The following RYK variants were observed in gnomAD, a reference collection of about 807,000 sequenced individuals.
RYK encodes the protein inactive tyrosine-protein kinase RYK.
A neutral mutation model predicts 70.2 loss-of-function variants in RYK; 21 were observed. The ratio of observed to expected loss-of-function variants is 0.30; its 90% CI spans 0.21 to 0.43. RYK has a LOEUF of 0.43. Among genes scored for constraint, RYK ranks in the 20% least tolerant of loss-of-function variants. The pLI is 1.00. For synonymous variants in RYK, 267 were observed against 278.0 expected (o/e 0.96, Z 0.39); for missense variants, 604 against 753.3 (o/e 0.80, Z 2.32).
chr3:134,231,796 T>C (rs1302449266), intron 1 of RYK, among the ~76,000 whole-genome samples: 1 of 152,168 alleles, frequency 6.6e-6, no homozygotes, highest in Non-Finnish European at 1.5e-5. Context: ...GTTCTGTTTC[T>C]TTACAATCAT....
intron 9 of RYK, chr3:134,183,521 G>A (rs2108158101): frequency 6.6e-6 from 1 of 152,272 alleles, no homozygotes; most frequent in African/African-American, 2.4e-5. Context: ...TAAACCAGGA[G>A]ATGCCATTTC....
At chr3:134,204,306 C>A (rs1029490967) in intron 5 of RYK, among the ~76,000 whole-genome samples, 1 of 151,402 alleles carries the variant, frequency 6.6e-6, no homozygotes, top group Non-Finnish European at 1.5e-5. Context: ...CCAGCCTGAC[C>A]AACATAGTGA....
At chr3:134,239,438 G>A (rs1225393868) in intron 1 of RYK, among the ~76,000 whole-genome samples, 3 of 151,796 alleles carry the variant, frequency 2.0e-5, no homozygotes, top group African/African-American at 7.3e-5. Flanking sequence ...CTCCAGCCTG[G>A]GCAACAAAGA....
chr3:134,176,491 C>T (rs575993423), intron 11 of RYK, among the ~76,000 whole-genome samples: 15 of 152,332 alleles, frequency 9.8e-5, no homozygotes, highest in African/African-American at 2.6e-4. Context: ...ATAATCCCAG[C>T]ACTTGGGAAG....
intron 7 of RYK, among the ~76,000 whole-genome samples, chr3:134,193,399 G>A (rs2013711842): frequency 6.6e-6 from 1 of 152,166 alleles, no homozygotes; most frequent in South Asian, 2.1e-4. Flanking sequence ...TAGCCAGGAT[G>A]GTCTTGATCT....
intron 1 of RYK, among the ~76,000 whole-genome samples, chr3:134,223,137 A>G (rs2014791638): frequency 6.6e-6 from 1 of 152,220 alleles, no homozygotes; most frequent in Admixed American, 6.5e-5. Flanking sequence ...TATGTTTTTC[A>G]TGGTATCTGC....
chr3:134,208,553 T>G (rs1358736432), intron 4 of RYK, among the ~76,000 whole-genome samples: 2 of 152,244 alleles, frequency 1.3e-5, no homozygotes, highest in Non-Finnish European at 2.9e-5. Flanking sequence ...ATGCTAACTC[T>G]TCTTTCTTAA....
intron 8 of RYK, among the ~76,000 whole-genome samples, chr3:134,191,587 C>G (rs1189143393): frequency 6.6e-6 from 1 of 152,166 alleles, no homozygotes; most frequent in African/African-American, 2.4e-5. Flanking sequence ...AAAAACCAAA[C>G]AGAGAATACA....
At chr3:134,171,729 T>C (rs183802458) in intron 13 of RYK, among the ~76,000 whole-genome samples, 47 of 152,082 alleles carry the variant, frequency 3.1e-4, no homozygotes, top group East Asian at 2.7e-3. Context: ...TAGCCACGTG[T>C]GGTGGCACAC....
At position 134,250,635 on chromosome 3, in the gene RYK, A is replaced by C. The variant is rs1232069643; in HGVS notation, c.20T>G (p.Leu7Arg). 3.0e-6 allele frequency: 3 copies of C among 983,658 alleles called. No homozygotes were observed. In the East Asian group the frequency reaches 3.5e-4, roughly 114 times the overall value. The allele number at this position is 983,658 out of a possible 1,614,324, so 60.9% of individuals were successfully genotyped here. A position where few individuals can be genotyped will look rare whatever the true frequency, so the allele number is the denominator to read the frequency against. The change falls in exon 1 of 15, where the codon CTG (leucine) becomes CGG (arginine). Residue 7 changes from leucine to arginine, a missense_variant. Transcript: ENST00000623711. MRGAARLGRPGRSCLPG... is the reference protein window; with the variant it reads MRGAARRGRPGRSCLPG... The stretch of plus-strand genomic sequence containing the variant: ...GAGGCAACTCCGGCCCGGCCGCCCC[A>C]GCCGCGCCGCCCCACGCATGGCCGC...
At chr3:134,249,931 T>TTG (rs1559770766) in intron 1 of RYK, among the ~76,000 whole-genome samples, 5 of 148,092 alleles carry the variant, frequency 3.4e-5, no homozygotes, top group Admixed American at 2.0e-4. Context: ...TTTTTTTTTT[T>TTG]TTTTTTTTTT....
At chr3:134,181,671 C>G (rs767343043) in intron 10 of RYK, 4 of 152,042 alleles carry the variant, frequency 2.6e-5, no homozygotes, top group Non-Finnish European at 4.4e-5. Context: ...ACAGAGATAA[C>G]CACAGTTCTT....
At chr3:134,201,983 A>C (rs2014041722) in intron 6 of RYK, among the ~76,000 whole-genome samples, 2 of 152,232 alleles carry the variant, frequency 1.3e-5, no homozygotes, top group South Asian at 4.1e-4. Context: ...TGACTCACTG[A>C]GGCTGGACAA....
At chr3:134,203,898 G>A (rs1320859479) in intron 5 of RYK, among the ~76,000 whole-genome samples, 1 of 152,184 alleles carries the variant, frequency 6.6e-6, no homozygotes, top group South Asian at 2.1e-4. Context: ...AGGAACTGAT[G>A]TTTTAATTTT....
At chr3:134,218,964 A>G (rs868488960) in intron 2 of RYK, among the ~76,000 whole-genome samples, 1 of 152,240 alleles carries the variant, frequency 6.6e-6, no homozygotes, top group Non-Finnish European at 1.5e-5. Context: ...TCTGGCCTAG[A>G]CATGAAAATA....
Position 134,250,411 on chromosome 3 carries a change from G to C in RYK, c.232+12C>G, listed in dbSNP as rs1384724912. 15 of 1,384,000 alleles carry C rather than the reference G, an allele frequency of 1.1e-5. No individual in the cohort carries two copies. The highest frequency in any genetic ancestry group is 2.7e-5 in the Admixed American group (1 of 36,456). The allele number at this position is 1,384,000 out of a possible 1,614,324, so 85.7% of individuals were successfully genotyped here. ...CCGACCTGCCCGCCCCGGCCTCGGC[G>C]GCCCCACTCACCGATCAGCCGGCGC... On this transcript the variant is annotated intron_variant, in intron 1 of 14. Transcript: ENST00000623711.
chr3:134,228,270 G>A (rs1425880722), intron 1 of RYK, among the ~76,000 whole-genome samples: 1 of 152,048 alleles, frequency 6.6e-6, no homozygotes, highest in Non-Finnish European at 1.5e-5. Flanking sequence ...CAGCCTGGAA[G>A]ATAGAACAAG....
chr3:134,211,028 T>C (rs1392575885), intron 3 of RYK, among the ~76,000 whole-genome samples: 1 of 152,158 alleles, frequency 6.6e-6, no homozygotes, highest in Non-Finnish European at 1.5e-5. Flanking sequence ...CTGGAACTGC[T>C]ACAACTCTGG....
chr3:134,210,336 C>G lies in RYK; in HGVS notation c.455-507G>C, dbSNP rs149168679. Among the ~76,000 whole-genome samples, 834 of 152,300 alleles carry G rather than the reference C, an allele frequency of 5.5e-3. 3 individuals carry two copies. Among genetic ancestry groups the G allele is most frequent in the Non-Finnish European group, 9.2e-3 (625 of 68,022 alleles). ...ATAAATTGTCAGCTATCACCTTTCT[C>G]AACAGAAATTGATTTTAATCCATAA... On this transcript the variant is annotated intron_variant, in intron 3 of 14. Coordinates refer to ENST00000623711, the MANE Select transcript of RYK (RefSeq NM_002958.4).
Sources: gnomAD v4.1 joint callset for allele counts (sites outside exome capture counted in the v4.1 genomes callset) on GRCh38, gnomAD v4.1.1 for gene constraint, MANE v1.5 for transcripts, NCBI Gene and HGNC (gene_info 2026-07-23, HGNC 2026-07-21) for gene names.